The following MALRD1 variants were observed in gnomAD, a reference collection of about 807,000 sequenced individuals.
MALRD1 encodes MAM and LDL receptor class A domain containing 1.
A neutral mutation model predicts 242.1 loss-of-function variants in MALRD1; 247 were observed. The ratio of observed to expected loss-of-function variants is 1.02; its 90% CI spans 0.92 to 1.13. The LOEUF is 1.13. Ranked by LOEUF, MALRD1 falls within the 50% of genes most tolerant of loss-of-function variation. MALRD1 has a pLI of 0.00. For missense variants in MALRD1, 2,989 were observed against 2,533.1 expected, an observed-to-expected ratio of 1.18 and a Z score of -3.86; for synonymous variants, 995 against 866.6, an observed-to-expected ratio of 1.15 and a Z score of -2.60.
At chr10:19,054,853 A>T (rs539080922) in intron 1 of MALRD1, among the ~76,000 whole-genome samples, 7 of 152,224 alleles carry the variant, frequency 4.6e-5, no homozygotes, top group Admixed American at 1.3e-4. Context: ...TAGTACTGCA[A>T]TAAACATAGG....
chr10:19,431,472 T>C (rs1017570546), intron 28 of MALRD1, among the ~76,000 whole-genome samples: 1 of 152,246 alleles, frequency 6.6e-6, no homozygotes, highest in Non-Finnish European at 1.5e-5. Flanking sequence ...CTTATATGTA[T>C]ACAGTATAGA....
At chr10:19,339,020 G>A (rs953586164) in intron 24 of MALRD1, among the ~76,000 whole-genome samples, 25 of 149,908 alleles carry the variant, frequency 1.7e-4, no homozygotes, top group African/African-American at 5.7e-4. Context: ...CCTACTATTA[G>A]CACGTCAGGG....
Position 19,155,094 on chromosome 10 carries a change from G to C in MALRD1, c.1578G>C (p.Glu526Asp), listed in dbSNP as rs1430111429. The change falls in exon 12 of 40, where the codon GAG becomes GAC. Residue 526 changes from glutamate to aspartate, a missense_variant. Glu to Asp is a conservative substitution (Grantham distance 45, BLOSUM62 2). Transcript: ENST00000454679. ...NINHGSFIYL[E>D]AQRSPGVAKL... ...TTTCAGGATCGTTTATTTATTTGGA[G>C]GCACAGCGCTCCCCCGGGGTGGCCA... 8.1e-7 allele frequency: 1 copy of C among 1,231,388 alleles called. No homozygotes were observed. The highest frequency in any genetic ancestry group is 1.0e-6 in the Non-Finnish European group (1 of 987,876). 76.3% of individuals were successfully genotyped at this position (1,231,388 alleles called of 1,614,324 possible).
At chr10:19,070,927 C>T (rs888821037) in intron 2 of MALRD1, among the ~76,000 whole-genome samples, 4 of 141,780 alleles carry the variant, frequency 2.8e-5, no homozygotes, top group African/African-American at 5.1e-5. Context: ...TCTCAGCTCA[C>T]TACAGCCTCT....
intron 26 of MALRD1, among the ~76,000 whole-genome samples, chr10:19,376,167 C>T (rs1449081614): frequency 4.6e-5 from 7 of 152,108 alleles, no homozygotes; most frequent in African/African-American, 9.7e-5. Context: ...AAAAAAACTT[C>T]GAGCTCTGTT....
intron 34 of MALRD1, among the ~76,000 whole-genome samples, chr10:19,604,758 A>AT: frequency 6.6e-6 from 1 of 152,218 alleles, no homozygotes; most frequent in Middle Eastern, 3.4e-3. Context: ...TCTAGTTATT[A>AT]TTTTTTTAGG....
chr10:19,106,665 T>G (rs977389020), intron 5 of MALRD1, among the ~76,000 whole-genome samples: 6 of 151,930 alleles, frequency 3.9e-5, no homozygotes, highest in African/African-American at 1.4e-4. Context: ...ATTTATTTCC[T>G]TCTACTAATT....
At chr10:19,633,794 G>A (rs1840009668) in intron 36 of MALRD1, 3 of 151,960 alleles carry the variant, frequency 2.0e-5, no homozygotes, top group Non-Finnish European at 1.5e-5. Context: ...AACACATTCA[G>A]GATAGTATGA....
intron 29 of MALRD1, among the ~76,000 whole-genome samples, chr10:19,468,714 G>A (rs963043749): frequency 2.6e-4 from 40 of 151,938 alleles, no homozygotes; most frequent in African/African-American, 8.9e-4. Context: ...CAAAGCCTCA[G>A]TGTTTATATA....
At chr10:19,524,555 C>T (rs1470102673) in intron 31 of MALRD1, among the ~76,000 whole-genome samples, 2 of 152,050 alleles carry the variant, frequency 1.3e-5, no homozygotes, top group South Asian at 2.1e-4. Flanking sequence ...ACCTGATAGT[C>T]ATTAGACACC....
At chr10:19,684,723 G>A (rs1368141110) in intron 36 of MALRD1, among the ~76,000 whole-genome samples, 1 of 152,210 alleles carries the variant, frequency 6.6e-6, no homozygotes, top group Admixed American at 6.5e-5. Context: ...TTGCACTCCA[G>A]CCTGGGTGAC....
chr10:19,214,212 C>G lies in MALRD1; in HGVS notation c.2991+4532C>G, dbSNP rs905942808. Among the ~76,000 whole-genome samples the G allele has an allele frequency of 9.2e-5, 14 of 152,338 alleles. No individual in the cohort carries two copies. In the South Asian group the frequency reaches 1.2e-3, roughly 14 times the overall value. On this transcript the variant is annotated intron_variant, in intron 18 of 39. Coordinates refer to ENST00000454679, the MANE Select transcript of MALRD1 (RefSeq NM_001142308.3). ...ACATGGTTTCTGTGGACTCTCAGCT[C>G]TTTCCCCTCAGCTCAGGGAGAACAA... is the stretch of plus-strand genomic sequence containing the variant.
chr10:19,469,288 T>C (rs1308981125), intron 29 of MALRD1, among the ~76,000 whole-genome samples: 3 of 152,186 alleles, frequency 2.0e-5, no homozygotes, highest in African/African-American at 7.2e-5. Flanking sequence ...TATGTGTTCT[T>C]GTCGAATTAC....
chr10:19,697,182 G>A (rs1303259954), intron 38 of MALRD1, among the ~76,000 whole-genome samples: 1 of 152,094 alleles, frequency 6.6e-6, no homozygotes, highest in Admixed American at 6.6e-5. Flanking sequence ...TTAAGGAGTT[G>A]TCTCATGCAA....
intron 36 of MALRD1, among the ~76,000 whole-genome samples, chr10:19,626,979 A>G (rs1839681876): frequency 6.6e-6 from 1 of 152,156 alleles, no homozygotes; most frequent in African/African-American, 2.4e-5. Context: ...TGTAATAAAT[A>G]TTATGAAGCT....
chr10:19,605,930 C>A (rs1235252228), intron 34 of MALRD1, among the ~76,000 whole-genome samples: 1 of 151,956 alleles, frequency 6.6e-6, no homozygotes. Flanking sequence ...GGTGGAAGCT[C>A]AATATTTTTT....
chr10:19,395,183 C>T (rs551935568), intron 28 of MALRD1, among the ~76,000 whole-genome samples: 6 of 152,100 alleles, frequency 3.9e-5, no homozygotes, highest in Non-Finnish European at 8.8e-5. Flanking sequence ...AGTTGTGAAC[C>T]ACCAAATATC....
chr10:19,152,287 T>A (rs995499348), intron 11 of MALRD1, among the ~76,000 whole-genome samples: 1 of 152,164 alleles, frequency 6.6e-6, no homozygotes, highest in Non-Finnish European at 1.5e-5. Flanking sequence ...TTCCTAGAAG[T>A]CCCTGGGCCT....
chr10:19,617,239 T>C (rs1398928123), intron 36 of MALRD1, among the ~76,000 whole-genome samples: 1 of 151,852 alleles, frequency 6.6e-6, no homozygotes, highest in Non-Finnish European at 1.5e-5. Context: ...ATCCAGATGG[T>C]GAAGTCTTAA....
Sources: gnomAD v4.1 joint callset for allele counts (sites outside exome capture counted in the v4.1 genomes callset) on GRCh38, gnomAD v4.1.1 for gene constraint, MANE v1.5 for transcripts, NCBI Gene and HGNC (gene_info 2026-07-23, HGNC 2026-07-21) for gene names.